The following FBXW8 variants were observed in gnomAD, a reference collection of about 807,000 sequenced individuals.
FBXW8 encodes F-box/WD repeat-containing protein 8.
A neutral mutation model predicts 65.3 loss-of-function variants in FBXW8; 57 were observed. The observed-to-expected ratio is 0.87, with a 90% CI of 0.71 to 1.09. The LOEUF is 1.09. Among genes scored for constraint, FBXW8 ranks in the 50% least tolerant of loss-of-function variants. FBXW8 has a pLI of 0.00. For synonymous variants in FBXW8, 308 were observed against 330.2 expected (o/e 0.93, Z 0.73); for missense variants, 777 against 814.8 (o/e 0.95, Z 0.57).
At chr12:116,980,500 A>G (rs924619675) in intron 5 of FBXW8, 2 of 152,224 alleles carry the variant, frequency 1.3e-5, no homozygotes, top group African/African-American at 2.4e-5. Context: ...ACCATAGGGC[A>G]TAGAGAGGGA....
intron 7 of FBXW8, among the ~76,000 whole-genome samples, chr12:116,996,414 A>C (rs943723259): frequency 2.0e-5 from 3 of 152,116 alleles, no homozygotes; most frequent in African/African-American, 7.2e-5. Flanking sequence ...CTTAGGAATC[A>C]GAAATGCAGT....
Position 116,956,794 on chromosome 12 carries a change from C to G in FBXW8, c.677+7088C>G, listed in dbSNP as rs552223811. 2.6e-5 allele frequency among the ~76,000 whole-genome samples: 4 copies of G among 151,812 alleles called. No individual in the cohort carries two copies. In the East Asian group the frequency reaches 7.8e-4, roughly 30 times the overall value. On this transcript the variant is annotated intron_variant, in intron 4 of 10. Coordinates refer to ENST00000652555, the MANE Select transcript of FBXW8 (RefSeq NM_153348.3). ...ACCAGCCTGGCTAACATGGTGAAACCCTGTCTCTACTAAAAATAGAAAAAT... is the reference window on the plus strand; with the variant it reads ...ACCAGCCTGGCTAACATGGTGAAACGCTGTCTCTACTAAAAATAGAAAAAT...
chr12:117,030,279 C>T lies in FBXW8; in HGVS notation c.*2107C>T, dbSNP rs558475582. 1 of 152,200 alleles carries T rather than the reference C, an allele frequency of 6.6e-6. No homozygotes were observed. The highest frequency in any genetic ancestry group is 2.4e-5 in the African/African-American group (1 of 41,440). 9.4% of individuals were successfully genotyped at this position (152,200 alleles called of 1,614,324 possible). A position where few individuals can be genotyped will look rare whatever the true frequency, so the allele number is the denominator to read the frequency against. On this transcript the variant is annotated 3_prime_UTR_variant, in exon 11 of 11. Coordinates refer to ENST00000652555, the MANE Select transcript of FBXW8 (RefSeq NM_153348.3). ...CCCGTCCAGAGCGCTTTCTTTCAGA[C>T]CCTGCCTACCTGCAGGCAGATGGAC...
intron 1 of FBXW8, among the ~76,000 whole-genome samples, chr12:116,920,210 C>A (rs905588683): frequency 2.0e-5 from 3 of 152,156 alleles, no homozygotes; most frequent in African/African-American, 7.2e-5. Context: ...TCATGTTATT[C>A]GTGAATTAGC....
chr12:116,985,065 A>G (rs751095282), intron 5 of FBXW8, 141 bp from the exon 6 acceptor site: 12 of 622,536 alleles, frequency 1.9e-5, no homozygotes, highest in Non-Finnish European at 3.3e-5. Flanking sequence ...TATGAAACGT[A>G]AGTGATTTCG....
chr12:117,007,710 C>G (rs1343811914), intron 7 of FBXW8, among the ~76,000 whole-genome samples: 1 of 152,116 alleles, frequency 6.6e-6, no homozygotes, highest in Non-Finnish European at 1.5e-5. Flanking sequence ...AAAAATTAGT[C>G]TAATGCATGG....
intron 2 of FBXW8, among the ~76,000 whole-genome samples, chr12:116,942,085 A>G (rs11068255): frequency 0.07 from 10,602 of 152,060 alleles, 960 homozygotes; most frequent in African/African-American, 0.21. Context: ...CTGGAGTGCA[A>G]TGGTGCAATA....
chr12:117,023,832 G>A (rs1954158253), intron 8 of FBXW8, among the ~76,000 whole-genome samples: 2 of 152,212 alleles, frequency 1.3e-5, no homozygotes, highest in African/African-American at 4.8e-5. Context: ...ACCTACTGCT[G>A]GGACAGGCGT....
chr12:116,953,414 T>G (rs907220835), intron 4 of FBXW8, among the ~76,000 whole-genome samples: 2 of 152,206 alleles, frequency 1.3e-5, no homozygotes, highest in Non-Finnish European at 2.9e-5. Context: ...CATTTGCTGC[T>G]CTGAAGCTTT....
intron 5 of FBXW8, among the ~76,000 whole-genome samples, chr12:116,966,492 C>T (rs148200865): frequency 2.6e-5 from 4 of 152,198 alleles, no homozygotes; most frequent in African/African-American, 7.2e-5. Flanking sequence ...GGCCGTGCTG[C>T]GGTGGTCGTG....
Position 117,027,414 on chromosome 12 carries a change from C to T in FBXW8, c.1562C>T (p.Ser521Leu), listed in dbSNP as rs376899001. Residue 521 changes from serine to leucine, a missense_variant, in exon 10 of 11, where the codon TCA becomes TTA. Ser to Leu is a moderately radical substitution (Grantham distance 145, BLOSUM62 -2). Transcript: ENST00000652555. ...TCCAGGCACCCGGTGCAGCACATCT[C>T]ATTCAGCAGCCACAGCCTCATCACG... ...VYSGHPVQHI[S>L]FSSHSLITAN... 114 of 1,613,970 alleles carry T rather than the reference C, an allele frequency of 7.1e-5. No individual in the cohort carries two copies. Among genetic ancestry groups the T allele is most frequent in the Non-Finnish European group, 9.2e-5 (108 of 1,180,010 alleles).
intron 1 of FBXW8, among the ~76,000 whole-genome samples, chr12:116,915,825 G>C (rs1880363900): frequency 6.6e-6 from 1 of 151,616 alleles, no homozygotes; most frequent in Admixed American, 6.6e-5. Context: ...GCTCATTTTT[G>C]TATCTTTGGT....
intron 1 of FBXW8, among the ~76,000 whole-genome samples, chr12:116,911,594 C>T (rs1026958461): frequency 6.6e-6 from 1 of 152,126 alleles, no homozygotes; most frequent in Non-Finnish European, 1.5e-5. Flanking sequence ...GGTGCCTCAT[C>T]GGGGTGTGTA....
chr12:116,938,498 A>G (rs1432356758), intron 2 of FBXW8, among the ~76,000 whole-genome samples: 1 of 152,198 alleles, frequency 6.6e-6, no homozygotes, highest in Non-Finnish European at 1.5e-5. Flanking sequence ...CTGTTGTACA[A>G]ATTTCAGATT....
At chr12:117,001,914 C>A (rs568268141) in intron 7 of FBXW8, among the ~76,000 whole-genome samples, 34 of 152,320 alleles carry the variant, frequency 2.2e-4, no homozygotes, top group African/African-American at 7.9e-4. Context: ...AAAGAGAGAA[C>A]CATATTCTGC....
chr12:116,998,806 G>C (rs1488171229), intron 7 of FBXW8, among the ~76,000 whole-genome samples: 1 of 152,222 alleles, frequency 6.6e-6, no homozygotes, highest in Non-Finnish European at 1.5e-5. Context: ...GACTGATGCT[G>C]GTTTGGGGCA....
At chr12:116,924,255 G>A (rs1399516486) in intron 1 of FBXW8, among the ~76,000 whole-genome samples, 2 of 151,836 alleles carry the variant, frequency 1.3e-5, no homozygotes, top group African/African-American at 2.4e-5. Context: ...TATGTGCTTC[G>A]CAGTAGTCTA....
intron 1 of FBXW8, among the ~76,000 whole-genome samples, chr12:116,926,780 T>A (rs1310555706): frequency 6.6e-6 from 1 of 152,208 alleles, no homozygotes; most frequent in Non-Finnish European, 1.5e-5. Context: ...TCCTTTGCAC[T>A]GTTTTTGCAG....
chr12:116,924,142 GACAGGTTGT>G (rs1176371450), intron 1 of FBXW8, among the ~76,000 whole-genome samples: 6 of 137,140 alleles, frequency 4.4e-5, no homozygotes. Flanking sequence ...TTTCTGAAAT[GACAGGTTGT>G]CCATTTTCAT....
Sources: gnomAD v4.1 joint callset for allele counts (sites outside exome capture counted in the v4.1 genomes callset) on GRCh38, gnomAD v4.1.1 for gene constraint, MANE v1.5 for transcripts, NCBI Gene and HGNC (gene_info 2026-07-23, HGNC 2026-07-21) for gene names.